The following PDSS2 variants were observed in gnomAD, a reference collection of about 807,000 sequenced individuals.
PDSS2 encodes decaprenyl diphosphate synthase subunit 2.
In PDSS2, 31 loss-of-function variants were observed where a neutral mutation model predicts 44.5. That is an observed-to-expected ratio of 0.70 (90% CI 0.52 to 0.94). PDSS2 has a LOEUF of 0.94. Among genes scored for constraint, PDSS2 ranks in the 40% least tolerant of loss-of-function variants. PDSS2 has a pLI of 0.00. For missense variants in PDSS2, 452 were observed against 482.2 expected, an observed-to-expected ratio of 0.94 and a Z score of 0.59; for synonymous variants, 157 against 180.3, an observed-to-expected ratio of 0.87 and a Z score of 1.03.
intron 2 of PDSS2, among the ~76,000 whole-genome samples, chr6:107,289,058 C>T (rs1233648355): frequency 2.0e-5 from 3 of 150,148 alleles, no homozygotes; most frequent in Non-Finnish European, 4.4e-5. Flanking sequence ...TGAGTCACCG[C>T]GCCTGGCCGA....
chr6:107,231,369 G>T lies in PDSS2; in HGVS notation c.702+14179C>A, dbSNP rs75580634. ...ACAGTAAGAGAGTAATAAAACAGGA[G>T]ACATCAGTTGTAAATGACTTAATAA... On this transcript the variant is annotated intron_variant, in intron 4 of 7. Coordinates refer to ENST00000369037, the MANE Select transcript of PDSS2 (RefSeq NM_020381.4). Among the ~76,000 whole-genome samples, 8 of 152,290 alleles carry T rather than the reference G, an allele frequency of 5.3e-5. No individual in the cohort carries two copies. In the East Asian group the frequency reaches 1.5e-3, roughly 29 times the overall value.
At chr6:107,308,615 G>T (rs1257809073) in intron 2 of PDSS2, among the ~76,000 whole-genome samples, 2 of 152,176 alleles carry the variant, frequency 1.3e-5, no homozygotes, top group Non-Finnish European at 2.9e-5. Context: ...TGAGGATTTG[G>T]GGGGAGGAAT....
chr6:107,299,576 C>A (rs184156245), intron 2 of PDSS2, among the ~76,000 whole-genome samples: 1 of 152,222 alleles, frequency 6.6e-6, no homozygotes, highest in East Asian at 1.9e-4. Flanking sequence ...TCTCTTACCC[C>A]CTTTCACACT....
intron 7 of PDSS2, among the ~76,000 whole-genome samples, chr6:107,177,497 A>T (rs1771836360): frequency 6.6e-6 from 1 of 152,226 alleles, no homozygotes; most frequent in African/African-American, 2.4e-5. Context: ...TGAGGTTAGT[A>T]ATATAGAATT....
intron 1 of PDSS2, among the ~76,000 whole-genome samples, chr6:107,412,517 G>T (rs952846985): frequency 1.5e-4 from 23 of 152,170 alleles, no homozygotes; most frequent in Admixed American, 1.0e-3. Context: ...TGGGATTACA[G>T]GTGTGAAACA....
At chr6:107,274,393 GT>G (rs1775706175) in intron 2 of PDSS2, among the ~76,000 whole-genome samples, 166 bp from the exon 3 acceptor site, 1 of 151,980 alleles carries the variant, frequency 6.6e-6, no homozygotes, top group Non-Finnish European at 1.5e-5. Flanking sequence ...CTACTGAGCA[GT>G]TTGGGATCTG....
chr6:107,320,816 A>G (rs1425624769), intron 2 of PDSS2, among the ~76,000 whole-genome samples: 1 of 152,204 alleles, frequency 6.6e-6, no homozygotes, highest in African/African-American at 2.4e-5. Flanking sequence ...GGTCAAAGAA[A>G]AAGTTTATAA....
chr6:107,232,596 C>T (rs896508378), intron 4 of PDSS2, among the ~76,000 whole-genome samples: 2 of 152,192 alleles, frequency 1.3e-5, no homozygotes, highest in African/African-American at 4.8e-5. Flanking sequence ...CTCTCCTATA[C>T]AGTTATTGCT....
intron 1 of PDSS2, among the ~76,000 whole-genome samples, chr6:107,393,143 G>A (rs1361742858): frequency 1.3e-5 from 2 of 151,626 alleles, no homozygotes; most frequent in Non-Finnish European, 2.9e-5. Context: ...GATCATTATT[G>A]TAAAGCAATT....
At chr6:107,363,533 G>A (rs1000288018) in intron 1 of PDSS2, among the ~76,000 whole-genome samples, 8 of 152,166 alleles carry the variant, frequency 5.3e-5, no homozygotes, top group Admixed American at 1.3e-4. Flanking sequence ...CTGGCTTCAG[G>A]AGTGAAGCTG....
intron 1 of PDSS2, among the ~76,000 whole-genome samples, chr6:107,362,627 A>G (rs1175624797): frequency 2.0e-5 from 3 of 152,242 alleles, no homozygotes; most frequent in Non-Finnish European, 2.9e-5. Flanking sequence ...TCAGTATTCA[A>G]CAGAAAGTTA....
chr6:107,154,544 C>A lies in PDSS2; in HGVS notation c.*75G>T, dbSNP rs1339895508. The stretch of plus-strand genomic sequence containing the variant: ...TATGTTTTAAAAGTCATTAACGCAT[C>A]GTGAAAGCGCTCCCAATCAACCTCA... On this transcript the variant is annotated 3_prime_UTR_variant, in exon 8 of 8. Transcript: ENST00000369037. The A allele has an allele frequency of 2.9e-6, 4 of 1,365,458 alleles. No homozygotes were observed. Among genetic ancestry groups the A allele is most frequent in the Non-Finnish European group, 4.2e-6 (4 of 955,158 alleles). The allele number at this position is 1,365,458 out of a possible 1,614,324, so 84.6% of individuals were successfully genotyped here. A position where few individuals can be genotyped will look rare whatever the true frequency, so the allele number is the denominator to read the frequency against.
chr6:107,451,015 A>G (rs1781849472), intron 1 of PDSS2, among the ~76,000 whole-genome samples: 1 of 152,182 alleles, frequency 6.6e-6, no homozygotes, highest in Non-Finnish European at 1.5e-5. Flanking sequence ...TATATTTTGT[A>G]GAGACAGCAT....
intron 1 of PDSS2, among the ~76,000 whole-genome samples, chr6:107,353,232 T>C (rs1226975441): frequency 1.3e-5 from 2 of 152,198 alleles, no homozygotes; most frequent in Non-Finnish European, 2.9e-5. Flanking sequence ...ACACCAGGTT[T>C]GTATAAACAA....
intron 7 of PDSS2, among the ~76,000 whole-genome samples, chr6:107,158,189 T>TC (rs1562339650): frequency 7.1e-6 from 1 of 139,936 alleles, no homozygotes; most frequent in African/African-American, 2.9e-5. Context: ...TTTCTTTCTT[T>TC]TTTTTTTTTT....
intron 1 of PDSS2, among the ~76,000 whole-genome samples, chr6:107,345,197 C>T (rs138100223): frequency 2.8e-4 from 42 of 151,840 alleles, no homozygotes; most frequent in Admixed American, 9.2e-4. Context: ...ATAAATCAAC[C>T]GAATGTGAAT....
chr6:107,314,002 T>G (rs1050140180), intron 2 of PDSS2, among the ~76,000 whole-genome samples: 1 of 151,980 alleles, frequency 6.6e-6, no homozygotes, highest in African/African-American at 2.4e-5. Flanking sequence ...AAGGTAGCAC[T>G]TGTAGTCCCA....
At chr6:107,157,607 G>A (rs1386223378) in intron 7 of PDSS2, among the ~76,000 whole-genome samples, 1 of 151,928 alleles carries the variant, frequency 6.6e-6, no homozygotes, top group African/African-American at 2.4e-5. Flanking sequence ...GGAGCTAGTT[G>A]CTCCTCTTCC....
At chr6:107,414,330 A>G (rs1360926086) in intron 1 of PDSS2, among the ~76,000 whole-genome samples, 1 of 152,254 alleles carries the variant, frequency 6.6e-6, no homozygotes, top group African/African-American at 2.4e-5. Context: ...TGAATAATTC[A>G]CACAAAGAAT....
Sources: allele counts gnomAD v4.1 joint callset (sites outside exome capture counted in the v4.1 genomes callset), GRCh38; gene constraint gnomAD v4.1.1; transcripts MANE v1.5; gene names NCBI Gene and HGNC (gene_info 2026-07-23, HGNC 2026-07-21).